The following CDH13 variants were observed in gnomAD, a reference collection of about 807,000 sequenced individuals.
The protein encoded by CDH13 is cadherin-13.
In CDH13, 24 loss-of-function variants were observed where a neutral mutation model predicts 63.8. That is an observed-to-expected ratio of 0.38 (90% CI 0.27 to 0.53). The LOEUF (loss-of-function observed/expected upper bound fraction) is 0.53, where lower values mean the gene tolerates loss of function less well. Among genes scored for constraint, CDH13 ranks in the 20% least tolerant of loss-of-function variants. The pLI is 0.85. For synonymous variants in CDH13, 503 were observed against 355.3 expected, an observed-to-expected ratio of 1.42 and a Z score of -4.67; for missense variants, 1,049 against 903.1, an observed-to-expected ratio of 1.16 and a Z score of -2.07.
intron 3 of CDH13, among the ~76,000 whole-genome samples, chr16:83,070,666 C>A (rs565672274): frequency 6.6e-6 from 1 of 151,910 alleles, no homozygotes; most frequent in Non-Finnish European, 1.5e-5. Context: ...GCTGAGACGC[C>A]CAAGAAGATG....
chr16:82,810,385 C>G (rs569889326), intron 1 of CDH13, among the ~76,000 whole-genome samples: 64 of 152,104 alleles, frequency 4.2e-4, no homozygotes, highest in Non-Finnish European at 8.7e-4. Flanking sequence ...AGAGGTACAG[C>G]TACCAGAAAA....
intron 2 of CDH13, among the ~76,000 whole-genome samples, chr16:83,012,637 A>T (rs1008474945): frequency 8.5e-5 from 13 of 152,184 alleles, no homozygotes; most frequent in Non-Finnish European, 1.9e-4. Flanking sequence ...GACCTTGAAG[A>T]CAAACAGTTT....
At chr16:83,565,516 C>A (rs1432386467) in intron 7 of CDH13, among the ~76,000 whole-genome samples, 2 of 151,316 alleles carry the variant, frequency 1.3e-5, no homozygotes, top group South Asian at 2.1e-4. Context: ...TAATTCATCT[C>A]CTGTTCTCTG....
chr16:83,435,825 G>C (rs1038736012), intron 6 of CDH13, among the ~76,000 whole-genome samples: 1 of 152,172 alleles, frequency 6.6e-6, no homozygotes, highest in African/African-American at 2.4e-5. Context: ...CTGGTTGGCT[G>C]TCTGTCTCCC....
intron 4 of CDH13, among the ~76,000 whole-genome samples, chr16:83,163,080 A>G (rs898289258): frequency 2.0e-5 from 3 of 152,062 alleles, no homozygotes; most frequent in African/African-American, 7.2e-5. Context: ...GCCTCACAAG[A>G]TCTGATGGTT....
intron 1 of CDH13, among the ~76,000 whole-genome samples, chr16:82,760,502 G>A (rs1250498477): frequency 1.3e-5 from 2 of 151,962 alleles, no homozygotes; most frequent in African/African-American, 4.8e-5. Context: ...CTTACTTTAG[G>A]AGATTCATAG....
intron 1 of CDH13, among the ~76,000 whole-genome samples, chr16:82,845,271 C>G (rs778097756): frequency 5.3e-5 from 8 of 152,204 alleles, no homozygotes; most frequent in Non-Finnish European, 8.8e-5. Flanking sequence ...GAGCATTCAG[C>G]CAGCTGTCAT....
chr16:83,174,340 G>A (rs1328262938), intron 4 of CDH13, among the ~76,000 whole-genome samples: 1 of 151,888 alleles, frequency 6.6e-6, no homozygotes, highest in Non-Finnish European at 1.5e-5. Flanking sequence ...TTCTTACTTG[G>A]CACTATCTTT....
intron 2 of CDH13, among the ~76,000 whole-genome samples, chr16:82,983,341 C>A (rs1377876683): frequency 6.6e-6 from 1 of 152,114 alleles, no homozygotes; most frequent in African/African-American, 2.4e-5. Flanking sequence ...TTTTCTCACC[C>A]GGCTGTTTCC....
At chr16:83,159,184 C>T (rs1324368606) in intron 4 of CDH13, among the ~76,000 whole-genome samples, 1 of 151,912 alleles carries the variant, frequency 6.6e-6, no homozygotes, top group Non-Finnish European at 1.5e-5. Flanking sequence ...TTTAAAAATA[C>T]CCTGGGGGAA....
At chr16:83,016,377 A>G (rs188613311) in intron 2 of CDH13, among the ~76,000 whole-genome samples, 12 of 152,360 alleles carry the variant, frequency 7.9e-5, no homozygotes, top group African/African-American at 2.4e-4. Flanking sequence ...AATTGGTTAC[A>G]ACCAAAAGGA....
At chr16:82,628,530 C>T (rs900637171) in intron 1 of CDH13, among the ~76,000 whole-genome samples, 1 of 152,052 alleles carries the variant, frequency 6.6e-6, no homozygotes, top group Non-Finnish European at 1.5e-5. Flanking sequence ...GTGATAGTAC[C>T]AGGGGAGATT....
chr16:82,672,168 T>A (rs1913328362), intron 1 of CDH13, among the ~76,000 whole-genome samples: 1 of 152,180 alleles, frequency 6.6e-6, no homozygotes, highest in Non-Finnish European at 1.5e-5. Context: ...AAGGTATACC[T>A]CTTAAGGCTC....
At chr16:83,607,751 C>T (rs965185156) in intron 8 of CDH13, among the ~76,000 whole-genome samples, 12 of 152,274 alleles carry the variant, frequency 7.9e-5, no homozygotes, top group Middle Eastern at 3.4e-3. Flanking sequence ...ATAGCTTGTA[C>T]GTATGACTTC....
chr16:82,723,885 C>G (rs530253158), intron 1 of CDH13, among the ~76,000 whole-genome samples: 1 of 152,114 alleles, frequency 6.6e-6, no homozygotes, highest in Non-Finnish European at 1.5e-5. Context: ...AGTTTTCAGT[C>G]TTACCTGTTA....
intron 5 of CDH13, among the ~76,000 whole-genome samples, chr16:83,265,287 A>C (rs1014436235): frequency 6.6e-6 from 1 of 152,004 alleles, no homozygotes; most frequent in Admixed American, 6.6e-5. Context: ...CTCTTTCCCA[A>C]ATCCTTTCTC....
intron 7 of CDH13, among the ~76,000 whole-genome samples, chr16:83,533,684 G>T (rs1263638353): frequency 2.1e-5 from 3 of 141,978 alleles, no homozygotes; most frequent in Non-Finnish European, 4.5e-5. Context: ...GCAGTGGCAC[G>T]ATCTCAGCTC....
chr16:83,008,461 C>A lies in CDH13; in HGVS notation c.158-23549C>A, dbSNP rs959806566. 5.3e-5 allele frequency among the ~76,000 whole-genome samples: 8 copies of A among 152,138 alleles called. No homozygotes were observed. In the South Asian group the frequency reaches 1.7e-3, roughly 32 times the overall value. ...GGGGGATTGAGGAAGAACTAGGAGA[C>A]CAGTGGGGCCGAGTGACTGAGTGAG... On this transcript the variant is annotated intron_variant, in intron 2 of 13. Coordinates refer to ENST00000567109, the MANE Select transcript of CDH13 (RefSeq NM_001257.5).
At chr16:83,146,633 T>C (rs1490411376) in intron 4 of CDH13, among the ~76,000 whole-genome samples, 1 of 152,250 alleles carries the variant, frequency 6.6e-6, no homozygotes, top group Non-Finnish European at 1.5e-5. Context: ...TTAACCAGAA[T>C]GGTATTCAAC....
Sources: allele counts gnomAD v4.1 joint callset (sites outside exome capture counted in the v4.1 genomes callset), GRCh38; gene constraint gnomAD v4.1.1; transcripts MANE v1.5; gene names NCBI Gene and HGNC (gene_info 2026-07-23, HGNC 2026-07-21).